The following TCF12 variants were observed in gnomAD, a reference collection of about 807,000 sequenced individuals.
The protein encoded by TCF12 is DNA-binding protein HTF4.
In TCF12, 45 loss-of-function variants were observed where a neutral mutation model predicts 86.0. The observed-to-expected ratio is 0.52, with a 90% CI of 0.41 to 0.67. The LOEUF (loss-of-function observed/expected upper bound fraction) is 0.67. Among genes scored for constraint, TCF12 ranks in the 30% least tolerant of loss-of-function variants. TCF12 has a pLI of 0.00. For synonymous variants in TCF12, 330 were observed against 299.6 expected (o/e 1.10, Z -1.05); for missense variants, 881 against 859.9 (o/e 1.02, Z -0.31).
rs75061064 is a variant in TCF12 at position 57,287,482 on chromosome 15, T to A, written c.*1337T>A. The A allele has an allele frequency of 7.4e-3, 1,126 of 152,772 alleles. 6 individuals carry two copies. Among genetic ancestry groups the A allele is most frequent in the Non-Finnish European group, 9.9e-3 (671 of 68,040 alleles). The allele number at this position is 152,772 out of a possible 1,614,324, so 9.5% of individuals were successfully genotyped here. On this transcript the variant is annotated 3_prime_UTR_variant, in exon 21 of 21. Transcript: ENST00000333725. ...TAAACCAGTACTTGTCAGTCCATCT[T>A]AATACTGTTCATTAAGGCACTCTCT...
At chr15:57,079,382 C>A (rs148263692) in intron 4 of TCF12, among the ~76,000 whole-genome samples, 5 of 152,154 alleles carry the variant, frequency 3.3e-5, no homozygotes, top group Non-Finnish European at 7.4e-5. Context: ...GGAGATGCTT[C>A]CACTGAGAAG....
At chr15:57,075,768 TTC>T (rs1168421882) in intron 4 of TCF12, among the ~76,000 whole-genome samples, 1 of 52,174 alleles carries the variant, frequency 1.9e-5, no homozygotes, top group East Asian at 6.8e-4. Context: ...TTTTCTTTCT[TTC>T]TTTCTTTCTT....
chr15:56,927,784 A>G (rs573905767), intron 3 of TCF12, among the ~76,000 whole-genome samples: 5 of 152,232 alleles, frequency 3.3e-5, no homozygotes, highest in Non-Finnish European at 7.3e-5. Context: ...AGAGGGAGAT[A>G]AATTATCAGG....
intron 3 of TCF12, among the ~76,000 whole-genome samples, chr15:57,029,675 G>A (rs918977678): frequency 2.0e-5 from 3 of 151,994 alleles, no homozygotes; most frequent in African/African-American, 2.4e-5. Flanking sequence ...CGCATACCAC[G>A]GTCAAGATAT....
chr15:57,114,448 A>T (rs188507847), intron 5 of TCF12, among the ~76,000 whole-genome samples: 13 of 152,074 alleles, frequency 8.5e-5, no homozygotes, highest in African/African-American at 3.1e-4. Context: ...ACACCACCAC[A>T]CCTAGCTAAT....
At chr15:56,983,611 T>C (rs2063000562) in intron 3 of TCF12, among the ~76,000 whole-genome samples, 1 of 152,148 alleles carries the variant, frequency 6.6e-6, no homozygotes, top group Non-Finnish European at 1.5e-5. Flanking sequence ...CAATTCTGAA[T>C]TGAAAAATAC....
intron 3 of TCF12, among the ~76,000 whole-genome samples, chr15:57,007,790 C>CTT (rs773719096): frequency 0.24 from 5,582 of 22,892 alleles, 260 homozygotes; most frequent in Middle Eastern, 0.33. Context: ...TTCTTTCTTT[C>CTT]TCTCTTTCTT....
intron 3 of TCF12, among the ~76,000 whole-genome samples, chr15:57,002,247 G>C (rs2064089251): frequency 6.6e-6 from 1 of 152,124 alleles, no homozygotes; most frequent in Non-Finnish European, 1.5e-5. Flanking sequence ...ATAGTTACCT[G>C]TTCCACATGC....
intron 3 of TCF12, among the ~76,000 whole-genome samples, chr15:56,955,401 G>A (rs764752758): frequency 2.0e-5 from 3 of 151,896 alleles, no homozygotes; most frequent in Non-Finnish European, 4.4e-5. Context: ...AGGGCCTGTC[G>A]TAGGGTGGGG....
At chr15:57,204,905 A>T (rs1230035149) in intron 8 of TCF12, among the ~76,000 whole-genome samples, 2 of 152,192 alleles carry the variant, frequency 1.3e-5, no homozygotes, top group Non-Finnish European at 2.9e-5. Flanking sequence ...AGAGAAACTG[A>T]TAGCTCCAAT....
chr15:57,059,487 C>T (rs1454758884), intron 3 of TCF12, among the ~76,000 whole-genome samples: 1 of 152,016 alleles, frequency 6.6e-6, no homozygotes, highest in Admixed American at 6.6e-5. Context: ...AAATATTTTC[C>T]CATTTCCTGT....
intron 3 of TCF12, among the ~76,000 whole-genome samples, chr15:57,036,851 T>C (rs1484318617): frequency 6.6e-6 from 1 of 152,176 alleles, no homozygotes; most frequent in Non-Finnish European, 1.5e-5. Flanking sequence ...GTATCATCTC[T>C]CAGAAGGACT....
chr15:57,248,246 C>T (rs1392652187), intron 13 of TCF12, among the ~76,000 whole-genome samples: 1 of 152,214 alleles, frequency 6.6e-6, no homozygotes, highest in Non-Finnish European at 1.5e-5. Flanking sequence ...ATCTTAGCAT[C>T]TGGATTTGTC....
intron 6 of TCF12, among the ~76,000 whole-genome samples, chr15:57,170,708 ATATAATATATATAT>A (rs1567558833): frequency 2.8e-4 from 4 of 14,116 alleles, no homozygotes; most frequent in African/African-American, 9.3e-4. Flanking sequence ...TATATATAAT[ATATAATATATATAT>A]TATATATTAT....
chr15:56,970,370 C>T (rs2062231893), intron 3 of TCF12, among the ~76,000 whole-genome samples: 1 of 150,024 alleles, frequency 6.7e-6, no homozygotes, highest in African/African-American at 2.5e-5. Context: ...GTCCCAGCTA[C>T]TCGGGAGGTT....
intron 5 of TCF12, among the ~76,000 whole-genome samples, chr15:57,118,689 G>A (rs889919586): frequency 6.6e-6 from 1 of 152,110 alleles, no homozygotes; most frequent in African/African-American, 2.4e-5. Context: ...GTCTAAAGTA[G>A]CCAGTATATT....
At chr15:56,967,305 GAAAA>G (rs574203841) in intron 3 of TCF12, among the ~76,000 whole-genome samples, 1 of 142,978 alleles carries the variant, frequency 7.0e-6, no homozygotes, top group Admixed American at 6.9e-5. Flanking sequence ...TAAATACAAA[GAAAA>G]AAAAAAACGC....
At chr15:57,057,408 G>C (rs1367360388) in intron 3 of TCF12, among the ~76,000 whole-genome samples, 1 of 152,120 alleles carries the variant, frequency 6.6e-6, no homozygotes, top group Non-Finnish European at 1.5e-5. Context: ...TTTCAGAATG[G>C]GAAACTCACC....
At chr15:57,175,229 C>G (rs1351673676) in intron 6 of TCF12, among the ~76,000 whole-genome samples, 1 of 152,066 alleles carries the variant, frequency 6.6e-6, no homozygotes, top group Non-Finnish European at 1.5e-5. Context: ...CCCTGTAGTC[C>G]TAGCTACTCA....
Sources: gnomAD v4.1 joint callset for allele counts (sites outside exome capture counted in the v4.1 genomes callset) on GRCh38, gnomAD v4.1.1 for gene constraint, MANE v1.5 for transcripts, NCBI Gene and HGNC (gene_info 2026-07-23, HGNC 2026-07-21) for gene names.